Variants in DENND1A observed in about 807,000 individuals in gnomAD.
DENND1A encodes the protein DENN domain containing 1A, also known as DENN domain-containing protein 1A.
A neutral mutation model predicts 113.7 loss-of-function variants in DENND1A; 51 were observed. The ratio of observed to expected loss-of-function variants is 0.45; its 90% CI spans 0.36 to 0.57. DENND1A has a LOEUF of 0.57. Among genes scored for constraint, DENND1A ranks in the 20% least tolerant of loss-of-function variants. DENND1A has a pLI of 0.00. For missense variants in DENND1A, 1,258 were observed against 1,395.9 expected (o/e 0.90, Z 1.57); for synonymous variants, 565 against 570.8 (o/e 0.99, Z 0.14).
intron 9 of DENND1A, among the ~76,000 whole-genome samples, chr9:123,650,900 C>T: frequency 9.8e-6 from 1 of 101,650 alleles, no homozygotes; most frequent in Admixed American, 1.3e-4. Flanking sequence ...GAGTAAGACT[C>T]TGTCTCAAAA....
chr9:123,444,529 C>T (rs987434802), intron 18 of DENND1A, among the ~76,000 whole-genome samples: 10 of 152,168 alleles, frequency 6.6e-5, no homozygotes, highest in Admixed American at 2.0e-4. Context: ...TGGCGGACGC[C>T]TGTAATCCCA....
At chr9:123,442,714 A>AAACTTAT (rs1452640341) in intron 18 of DENND1A, among the ~76,000 whole-genome samples, 1 of 152,248 alleles carries the variant, frequency 6.6e-6, no homozygotes, top group East Asian at 1.9e-4. Flanking sequence ...AGTTTTGGAA[A>AAACTTAT]AAGCATCTTA....
chr9:123,476,943 G>C (rs1194469789), intron 13 of DENND1A, among the ~76,000 whole-genome samples: 1 of 152,134 alleles, frequency 6.6e-6, no homozygotes, highest in African/African-American at 2.4e-5. Context: ...TCTTCCTCAT[G>C]GCTGCATCCC....
intron 1 of DENND1A, among the ~76,000 whole-genome samples, chr9:123,888,446 C>T (rs968354037): frequency 6.6e-6 from 1 of 152,126 alleles, no homozygotes; most frequent in African/African-American, 2.4e-5. Flanking sequence ...ATACTGAATA[C>T]AAGGGAGAAG....
At chr9:123,460,367 C>A (rs1036191494) in intron 13 of DENND1A, among the ~76,000 whole-genome samples, 3 of 152,150 alleles carry the variant, frequency 2.0e-5, no homozygotes, top group Non-Finnish European at 4.4e-5. Context: ...AATTCTCTCT[C>A]CAGGTGATCT....
At chr9:123,667,530 T>C (rs1001071903) in intron 7 of DENND1A, among the ~76,000 whole-genome samples, 1 of 152,136 alleles carries the variant, frequency 6.6e-6, no homozygotes, top group East Asian at 1.9e-4. Context: ...AGCAGGAGAA[T>C]CGTTTGAACC....
At chr9:123,446,644 G>C (rs1564504153) in intron 18 of DENND1A, among the ~76,000 whole-genome samples, 1 of 152,064 alleles carries the variant, frequency 6.6e-6, no homozygotes, top group African/African-American at 2.4e-5. Context: ...GGGCAACACA[G>C]CAAAACTCTG....
intron 2 of DENND1A, among the ~76,000 whole-genome samples, chr9:123,815,726 C>T (rs7870661): frequency 1.8e-3 from 268 of 152,062 alleles, no homozygotes; most frequent in African/African-American, 6.0e-3. Context: ...AGAAAATTCC[C>T]GAAGATACAC....
intron 2 of DENND1A, among the ~76,000 whole-genome samples, chr9:123,804,156 T>A (rs1038904707): frequency 5.9e-5 from 9 of 152,142 alleles, no homozygotes; most frequent in Non-Finnish European, 2.9e-5. Context: ...AGTGAATGAG[T>A]CTCATGAGAT....
At chr9:123,548,244 C>A (rs1260343277) in intron 13 of DENND1A, among the ~76,000 whole-genome samples, 1 of 152,130 alleles carries the variant, frequency 6.6e-6, no homozygotes, top group Admixed American at 6.6e-5. Flanking sequence ...TTCAGATGAC[C>A]ACTAAAATGG....
chr9:123,866,302 T>C (rs1252025126), intron 2 of DENND1A, among the ~76,000 whole-genome samples: 1 of 152,194 alleles, frequency 6.6e-6, no homozygotes, highest in Non-Finnish European at 1.5e-5. Context: ...AAAACTCTGG[T>C]AGCTGAGGAT....
At chr9:123,513,281 C>T (rs2053607584) in intron 13 of DENND1A, among the ~76,000 whole-genome samples, 2 of 152,326 alleles carry the variant, frequency 1.3e-5, no homozygotes, top group Middle Eastern at 3.4e-3. Context: ...GAGCCAGAGA[C>T]TGAGATTGGA....
intron 1 of DENND1A, among the ~76,000 whole-genome samples, chr9:123,897,497 T>G (rs1850941885): frequency 6.6e-6 from 1 of 152,206 alleles, no homozygotes; most frequent in African/African-American, 2.4e-5. Flanking sequence ...TTTTCTACTC[T>G]GTCCTCTCAC....
At chr9:123,695,293 C>T (rs1483082904) in intron 5 of DENND1A, among the ~76,000 whole-genome samples, 1 of 152,024 alleles carries the variant, frequency 6.6e-6, no homozygotes. Flanking sequence ...TTGTTGTCAG[C>T]ACATTACTGT....
At chr9:123,625,574 T>C (rs189723456) in intron 10 of DENND1A, among the ~76,000 whole-genome samples, 9 of 152,218 alleles carry the variant, frequency 5.9e-5, no homozygotes, top group Middle Eastern at 6.8e-3. Context: ...CGAAACCCTG[T>C]CTCTACTAAA....
intron 21 of DENND1A, among the ~76,000 whole-genome samples, chr9:123,391,334 C>T (rs965950897): frequency 6.6e-6 from 1 of 152,202 alleles, no homozygotes; most frequent in Non-Finnish European, 1.5e-5. Context: ...AGAGCTTTGT[C>T]GAGTCCAGGC....
At chr9:123,461,956 A>G (rs2048561848) in intron 13 of DENND1A, 1 of 152,318 alleles carries the variant, frequency 6.6e-6, no homozygotes, top group Non-Finnish European at 1.5e-5. Context: ...ACAGGAGTCC[A>G]AAGAGGAAAC....
At chr9:123,663,886 C>T (rs2063368974) in intron 8 of DENND1A, among the ~76,000 whole-genome samples, 1 of 151,052 alleles carries the variant, frequency 6.6e-6, no homozygotes, top group African/African-American at 2.4e-5. Flanking sequence ...CTGTCTCAAA[C>T]AAAGTATTAC....
At chr9:123,787,231 T>G (rs553561193) in intron 3 of DENND1A, among the ~76,000 whole-genome samples, 2 of 152,200 alleles carry the variant, frequency 1.3e-5, no homozygotes, top group African/African-American at 4.8e-5. Flanking sequence ...ATTTGTGTCA[T>G]ACAATGTTGG....
Sources: allele counts gnomAD v4.1 joint callset (sites outside exome capture counted in the v4.1 genomes callset), GRCh38; gene constraint gnomAD v4.1.1; transcripts MANE v1.5; gene names NCBI Gene and HGNC (gene_info 2026-07-23, HGNC 2026-07-21).